EP400: variants seen among roughly 807,000 people sequenced by gnomAD.
EP400 encodes the protein E1A binding protein p400.
EP400 carries 105 observed loss-of-function variants against 354.1 expected under a neutral mutation model. The observed-to-expected ratio is 0.30, with a 90% CI of 0.25 to 0.35. The LOEUF is 0.35. Among genes scored for constraint, EP400 ranks in the 10% least tolerant of loss-of-function variants. The probability of loss-of-function intolerance (pLI) is 1.00; values close to 1 mark genes in which losing one functional copy is unlikely to be tolerated. For missense variants in EP400, 3,280 were observed against 4,121.0 expected, an observed-to-expected ratio of 0.80 and a Z score of 5.59; for synonymous variants, 1,646 against 1,716.9, an observed-to-expected ratio of 0.96 and a Z score of 1.02.
In EP400 at chr12:132,025,766, C is replaced by T. The variant is rs142300205; in HGVS notation, c.4976C>T (p.Pro1659Leu). The T allele has an allele frequency of 1.1e-3, 1,818 of 1,611,240 alleles. 4 individuals are homozygous for T. Among genetic ancestry groups the T allele is most frequent in the Middle Eastern group, 5.9e-3 (36 of 6,058 alleles). ...CACGGCGCCCTGGGAAGCAAGCCCC[C>T]GGCCGGCGGTCCCAGCCCTGCACCC... ...AVHGALGSKP[P>L]AGGPSPAPLT... is the part of the protein sequence containing the mutation. The change falls in exon 25 of 53, where the codon CCG becomes CTG. Residue 1659 changes from proline (P) to leucine (L), a missense_variant. Pro to Leu is a moderately conservative substitution (Grantham distance 98). Transcript: ENST00000389561. The surrounding 1 kb of genome is among the most constrained non-coding windows in gnomAD (Gnocchi z 4.1).
chr12:131,992,080 C>G, intron 10 of EP400, 93 bp from the exon 11 acceptor site: 1 of 1,401,624 alleles, frequency 7.1e-7, no homozygotes, highest in Non-Finnish European at 1.0e-6. Context: ...TGCCCCGGGG[C>G]TCCCCCAACC....
intron 2 of EP400, among the ~76,000 whole-genome samples, chr12:131,974,987 CA>C (rs764013155): frequency 0.038 from 1,626 of 43,260 alleles, 16 homozygotes; most frequent in African/African-American, 0.1. Flanking sequence ...GACTCCATCT[CA>C]AAAAAAAAAA....
chr12:132,032,099 T>C lies in EP400; in HGVS notation c.5901T>C (p.Ala1967=). The C allele has an allele frequency of 6.2e-7, 1 of 1,613,772 alleles. No homozygotes were observed. The highest frequency in any genetic ancestry group is 8.5e-7 in the Non-Finnish European group (1 of 1,179,898). The change falls in exon 30 of 53, where the codon GCT becomes GCC. Residue 1967 remains alanine (A), a synonymous_variant. Coordinates refer to ENST00000389561, the MANE Select transcript of EP400 (RefSeq NM_015409.5). ...NDLNPVMDAK[A]QEWCDRIGRC... is the part of the protein sequence containing the mutation. Reference sequence around the variant, plus strand: ...TGAATCCAGTGATGGATGCCAAAGCTCAGGAGTGGTGCGATAGGATCGGGA... The same window carrying C: ...TGAATCCAGTGATGGATGCCAAAGCCCAGGAGTGGTGCGATAGGATCGGGA...
chr12:132,023,480 G>A (rs781456587), intron 23 of EP400, among the ~76,000 whole-genome samples: 25 of 151,346 alleles, frequency 1.7e-4, no homozygotes, highest in Non-Finnish European at 2.4e-4. Flanking sequence ...TTGTTGTTTC[G>A]GTAGAAAAGT....
chr12:132,011,443 G>A, intron 15 of EP400, 55 bp from the exon 16 acceptor site: 2 of 1,604,094 alleles, frequency 1.2e-6, no homozygotes, highest in Non-Finnish European at 1.7e-6. Flanking sequence ...ACAGTGCTAG[G>A]TGCCTGGACA....
At chr12:132,012,976 T>TA in intron 16 of EP400, 33 bp from the exon 17 acceptor site, 1 of 1,542,608 alleles carries the variant, frequency 6.5e-7, no homozygotes, top group Admixed American at 1.9e-5. Context: ...CAGTGGAGTG[T>TA]GAAGGCACTG....
chr12:132,069,274 TG>T, intron 50 of EP400: 1 of 572,128 alleles, frequency 1.7e-6, no homozygotes, highest in Non-Finnish European at 2.9e-6. Context: ...CCAGGCCTCC[TG>T]GAGGAGAAGC....
intron 34 of EP400, 58 bp from the exon 35 acceptor site, chr12:132,044,119 G>C (rs201904838): frequency 6.3e-7 from 1 of 1,595,388 alleles, no homozygotes; most frequent in Non-Finnish European, 8.6e-7. Flanking sequence ...GCAGGGACTC[G>C]GGGGCTGCTC....
At position 132,067,227 on chromosome 12, in the gene EP400, G is replaced by A; in HGVS notation, c.8750-135G>A. ...CCCAGAAACATTTTAATGTAGTTAA[G>A]GGATGGCTTACTTGTCTCCATAGAG... On this transcript the variant is annotated intron_variant, in intron 49 of 52. Transcript: ENST00000389561. The surrounding 1 kb of genome is among the most constrained non-coding windows in gnomAD (Gnocchi z 5.3). 1.5e-6 allele frequency: 2 copies of A among 1,334,114 alleles called. No homozygotes were observed. The highest frequency in any genetic ancestry group is 2.1e-6 in the Non-Finnish European group (2 of 974,600). 82.6% of individuals were successfully genotyped at this position (1,334,114 alleles called of 1,614,324 possible). A position where few individuals can be genotyped will look rare whatever the true frequency, so the allele number is the denominator to read the frequency against.
rs557317104 is a variant in EP400 at position 132,055,356 on chromosome 12, A to G, written c.7884+148A>G. On this transcript the variant is annotated intron_variant, in intron 45 of 52. Transcript: ENST00000389561. ...TTCATAAAATAAGTAGCTGATCAGT[A>G]TGTTGATTTCAGAAACATTCAGCTG... 93 of 719,296 alleles carry G rather than the reference A, an allele frequency of 1.3e-4. No individual in the cohort carries two copies. In the African/African-American group the frequency reaches 1.6e-3, roughly 12 times the overall value. 44.6% of individuals were successfully genotyped at this position (719,296 alleles called of 1,614,324 possible).
At position 132,032,054 on chromosome 12, in the gene EP400, C is replaced by T. The variant is rs528631957; in HGVS notation, c.5856C>T (p.Val1952=). 21 of 1,614,176 alleles carry T rather than the reference C, an allele frequency of 1.3e-5. No homozygotes were observed. The East Asian group carries it at 2.9e-4, about 22-fold the overall frequency. ...TAAACCTTGTAGAGGCGGACACCGT[C>T]GTGTTTTATGACAATGACCTGAATC... ...TGINLVEADT[V]VFYDNDLNPV... The change falls in exon 30 of 53, where the codon GTC becomes GTT. Residue 1952 remains valine, a synonymous_variant. Transcript: ENST00000389561.
chr12:132,036,026 C>T (rs151175045), intron 30 of EP400, among the ~76,000 whole-genome samples: 3,118 of 150,486 alleles, frequency 0.021, 49 homozygotes, highest in Middle Eastern at 0.052. Context: ...TCACATGGAA[C>T]GCTGTGGAAG....
At chr12:132,040,543 C>G (rs1565925627) in intron 32 of EP400, among the ~76,000 whole-genome samples, 1 of 152,192 alleles carries the variant, frequency 6.6e-6, no homozygotes, top group Non-Finnish European at 1.5e-5. Flanking sequence ...CACACAGATT[C>G]TTTTGAAACA....
At chr12:132,043,546 T>A (rs981129794) in intron 33 of EP400, 84 bp downstream of exon 33, 130 of 1,580,348 alleles carry the variant, frequency 8.2e-5, no homozygotes, top group Middle Eastern at 7.9e-4. Flanking sequence ...GCAAGAAAAA[T>A]CACTTTTTGA....
At chr12:132,036,388 T>C (rs1448665159) in intron 30 of EP400, among the ~76,000 whole-genome samples, 1 of 149,124 alleles carries the variant, frequency 6.7e-6, no homozygotes, top group Non-Finnish European at 1.5e-5. Flanking sequence ...ACACCCGGGT[T>C]CACACGGAGC....
chr12:132,009,316 G>T (rs970550986), intron 15 of EP400, among the ~76,000 whole-genome samples: 7 of 152,118 alleles, frequency 4.6e-5, no homozygotes, highest in African/African-American at 1.7e-4. Context: ...TCATTCATCT[G>T]CTCCTTACCT....
At position 132,013,941 on chromosome 12, in the gene EP400, C is replaced by T. The variant is rs1459080728; in HGVS notation, c.3923+28C>T. The T allele has an allele frequency of 5.0e-6, 8 of 1,609,630 alleles. No individual in the cohort carries two copies. The Admixed American group carries it at 5.1e-5, about 10-fold the overall frequency. ...GAGTGTGGGCTCTGGGCATGTGCCC[C>T]CTTTGCTGTCCCTGCCTGTGAGGGA... On this transcript the variant is annotated intron_variant, in intron 19 of 52. Coordinates refer to ENST00000389561, the MANE Select transcript of EP400 (RefSeq NM_015409.5). This position sits in a 1 kb window ranked among gnomAD's most constrained non-coding sequence, Gnocchi z 4.5.
Position 132,067,591 on chromosome 12 carries a change from T to C in EP400, c.8874+105T>C. The C allele has an allele frequency of 6.7e-7, 1 of 1,483,270 alleles. No individual in the cohort carries two copies. The allele number at this position is 1,483,270 out of a possible 1,614,324, so 91.9% of individuals were successfully genotyped here. ...CAAATCCCCATGTGGCGGCTCACGC[T>C]TTTCAGAGGGTGGCTTCAAGGGCTG... On this transcript the variant is annotated intron_variant, in intron 50 of 52. Coordinates refer to ENST00000389561, the MANE Select transcript of EP400 (RefSeq NM_015409.5). This position sits in a 1 kb window ranked among gnomAD's most constrained non-coding sequence, Gnocchi z 5.3.
At chr12:132,057,375 C>T (rs1895548378) in intron 45 of EP400, among the ~76,000 whole-genome samples, 1 of 152,196 alleles carries the variant, frequency 6.6e-6, no homozygotes, top group Non-Finnish European at 1.5e-5. Flanking sequence ...GGAGGACTCT[C>T]AGATGCATTT....
Sources: gnomAD v4.1 joint callset for allele counts (sites outside exome capture counted in the v4.1 genomes callset) on GRCh38, gnomAD v4.1.1 for gene constraint, Gnocchi (gnomAD v3.1) non-coding constraint, MANE v1.5 for transcripts, NCBI Gene and HGNC (gene_info 2026-07-23, HGNC 2026-07-21) for gene names.